SIL1: variants seen among roughly 807,000 people sequenced by gnomAD.
SIL1 encodes SIL1 nucleotide exchange factor.
SIL1 carries 40 observed loss-of-function variants against 49.1 expected under a neutral mutation model. The observed-to-expected ratio is 0.81, with a 90% confidence interval of 0.63 to 1.06. SIL1 has a LOEUF of 1.06. SIL1 is among the 50% of genes least tolerant of loss of function. SIL1 has a pLI of 0.00. For missense variants in SIL1, 500 were observed against 572.6 expected, an observed-to-expected ratio of 0.87 and a Z score of 1.29; for synonymous variants, 253 against 250.8, an observed-to-expected ratio of 1.01 and a Z score of -0.08.
At chr5:139,128,842 A>G (rs550980606) in intron 1 of SIL1, among the ~76,000 whole-genome samples, 2 of 152,274 alleles carry the variant, frequency 1.3e-5, no homozygotes, top group Middle Eastern at 3.4e-3. Flanking sequence ...CAGAATAGCC[A>G]AAACAATCTT....
At chr5:139,042,861 A>G in intron 4 of SIL1, 142 bp from the exon 5 acceptor site, 1 of 739,802 alleles carries the variant, frequency 1.4e-6, no homozygotes. Context: ...ATTAGTTAGG[A>G]TGTGATGGTA....
intron 6 of SIL1, among the ~76,000 whole-genome samples, chr5:139,025,850 CACA>C (rs1482354191): frequency 1.3e-5 from 2 of 152,212 alleles, no homozygotes; most frequent in Admixed American, 6.5e-5. Flanking sequence ...TGGTCTCTGT[CACA>C]ACTACTCAAT....
intron 3 of SIL1, among the ~76,000 whole-genome samples, chr5:139,095,776 C>T (rs1425515594): frequency 6.6e-6 from 1 of 151,778 alleles, no homozygotes; most frequent in Non-Finnish European, 1.5e-5. Flanking sequence ...TGCGGTGAGT[C>T]GTGACTGTGC....
chr5:138,955,510 A>G (rs1317087900), intron 7 of SIL1, among the ~76,000 whole-genome samples: 1 of 152,216 alleles, frequency 6.6e-6, no homozygotes, highest in Non-Finnish European at 1.5e-5. Flanking sequence ...GCAATCAGCC[A>G]AGAGTCAGAG....
At chr5:139,085,212 A>G (rs1052033653) in intron 3 of SIL1, among the ~76,000 whole-genome samples, 2 of 152,202 alleles carry the variant, frequency 1.3e-5, no homozygotes, top group African/African-American at 4.8e-5. Flanking sequence ...CCAGGGCACA[A>G]TCAGGGGAAA....
At chr5:139,137,281 T>C (rs1380763891) in intron 1 of SIL1, 1 of 702,140 alleles carries the variant, frequency 1.4e-6, no homozygotes, top group Admixed American at 2.0e-5. Flanking sequence ...TCCAATATGC[T>C]GCTCATTTTA....
chr5:139,086,632 C>A (rs1285275266), intron 3 of SIL1, among the ~76,000 whole-genome samples: 1 of 150,186 alleles, frequency 6.7e-6, no homozygotes, highest in Non-Finnish European at 1.5e-5. Context: ...GCTGGGATTA[C>A]AGGCATAAGC....
chr5:139,170,794 AG>A (rs1751742202), intron 1 of SIL1, among the ~76,000 whole-genome samples: 1 of 142,694 alleles, frequency 7.0e-6, no homozygotes, highest in Non-Finnish European at 1.5e-5. Context: ...AGCCCTGGCC[AG>A]GCCAGCCGCC....
intron 7 of SIL1, among the ~76,000 whole-genome samples, chr5:138,988,263 G>A (rs761588939): frequency 1.3e-5 from 2 of 152,218 alleles, no homozygotes; most frequent in Non-Finnish European, 2.9e-5. Flanking sequence ...AACAGTCCCA[G>A]CACAATGGAG....
intron 1 of SIL1, among the ~76,000 whole-genome samples, chr5:139,135,470 C>T (rs1171913336): frequency 2.0e-5 from 3 of 152,168 alleles, no homozygotes; most frequent in African/African-American, 7.2e-5. Flanking sequence ...CAAGGGAGAA[C>T]AGTGGCAGTA....
Position 139,121,173 on chromosome 5 carries a change from T to C in SIL1, c.106A>G (p.Lys36Glu). Reference sequence around the variant, plus strand: ...TCTGGGTTGGTCAGGGCAAACTCCTTCTGAGAAAAGAAAACACAGGGCATG... The same window carrying C: ...TCTGGGTTGGTCAGGGCAAACTCCTCCTGAGAAAAGAAAACACAGGGCATG... ...FTFCLSHQNL[K>E]EFALTNPEKS... is the part of the protein sequence containing the mutation. The change falls in exon 3 of 10, where the codon AAG becomes GAG. Residue 36 changes from lysine to glutamate, a missense_variant and splice_region_variant. Coordinates refer to ENST00000394817, the MANE Select transcript of SIL1 (RefSeq NM_022464.5). 6.2e-7 allele frequency: 1 copy of C among 1,613,964 alleles called. No homozygotes were observed. Among genetic ancestry groups the C allele is most frequent in the Non-Finnish European group, 8.5e-7 (1 of 1,179,936 alleles).
chr5:139,101,754 C>T (rs574812568), intron 3 of SIL1, among the ~76,000 whole-genome samples: 1 of 152,298 alleles, frequency 6.6e-6, no homozygotes, highest in South Asian at 2.1e-4. Context: ...TAACTGCTTG[C>T]TATCAAAGGG....
At chr5:138,989,946 C>T (rs1767722401) in intron 7 of SIL1, among the ~76,000 whole-genome samples, 1 of 152,134 alleles carries the variant, frequency 6.6e-6, no homozygotes, top group Admixed American at 6.5e-5. Flanking sequence ...AGCAGAGGTA[C>T]TGAGTGGGAA....
chr5:139,169,048 G>A (rs1444503422), intron 1 of SIL1, among the ~76,000 whole-genome samples: 11 of 152,158 alleles, frequency 7.2e-5, no homozygotes, highest in African/African-American at 1.4e-4. Context: ...CAAAAGGCTG[G>A]GATGGGAGGA....
chr5:139,026,962 G>A lies in SIL1; in HGVS notation c.484C>T (p.Arg162Cys), dbSNP rs781449770. The A allele has an allele frequency of 1.1e-5, 18 of 1,614,158 alleles. No individual in the cohort carries two copies. Among genetic ancestry groups the A allele is most frequent in the East Asian group, 4.5e-5 (2 of 44,884 alleles). ...TCTTTCTTCAGTTCCTCAATGGGGC[G>A]GAAGAGCCGCTTTACCTCAGCCTGC... ...ARQAEVKRLF[R>C]PIEELKKDFD... is the part of the protein sequence containing the mutation. Residue 162 changes from arginine (R) to cysteine (C), a missense_variant, in exon 6 of 10, where the codon CGC (arginine) becomes TGC (cysteine). Physicochemically the swap from Arg to Cys is radical, Grantham distance 180. Transcript: ENST00000394817.
chr5:139,011,029 A>C (rs1253311641), intron 7 of SIL1, among the ~76,000 whole-genome samples: 1 of 149,746 alleles, frequency 6.7e-6, no homozygotes, highest in Non-Finnish European at 1.5e-5. Context: ...TACCTAAGCA[A>C]GCCTGGGCAA....
In SIL1 at chr5:139,110,548, A is replaced by C. The variant is rs553290588; in HGVS notation, c.244+10487T>G. 2.0e-5 allele frequency among the ~76,000 whole-genome samples: 3 copies of C among 152,240 alleles called. No homozygotes were observed. In the East Asian group the frequency reaches 5.8e-4, roughly 29 times the overall value. ...CACATATTATGGGAAATAAGGAAAA[A>C]CCAACAACTTATGAGTTTATGAATA... On this transcript the variant is annotated intron_variant, in intron 3 of 9. Transcript: ENST00000394817.
At chr5:139,110,767 C>T (rs1424349576) in intron 3 of SIL1, among the ~76,000 whole-genome samples, 1 of 152,200 alleles carries the variant, frequency 6.6e-6, no homozygotes, top group African/African-American at 2.4e-5. Flanking sequence ...CAAAGAGTTC[C>T]CTTGATGTTC....
intron 7 of SIL1, among the ~76,000 whole-genome samples, chr5:138,973,370 T>C (rs1318291446): frequency 6.6e-6 from 1 of 151,750 alleles, no homozygotes; most frequent in African/African-American, 2.4e-5. Flanking sequence ...TGTAAGTTCA[T>C]GGTAAAGAAA....
Sources: allele counts gnomAD v4.1 joint callset (sites outside exome capture counted in the v4.1 genomes callset), GRCh38; gene constraint gnomAD v4.1.1; transcripts MANE v1.5; gene names NCBI Gene and HGNC (gene_info 2026-07-23, HGNC 2026-07-21).